KLHL29: variants seen among roughly 807,000 people sequenced by gnomAD.
KLHL29 encodes the protein kelch like family member 29, also known as kelch-like protein 29.
A neutral mutation model predicts 80.4 loss-of-function variants in KLHL29; 21 were observed. The ratio of observed to expected loss-of-function variants is 0.26; its 90% CI spans 0.19 to 0.38. The LOEUF (loss-of-function observed/expected upper bound fraction) is 0.38, where lower values mean the gene tolerates loss of function less well. Among genes scored for constraint, KLHL29 ranks in the 10% least tolerant of loss-of-function variants. KLHL29 has a pLI of 1.00. For missense variants in KLHL29, 867 were observed against 1,223.9 expected (o/e 0.71, Z 4.35); for synonymous variants, 511 against 526.8 (o/e 0.97, Z 0.41).
intron 2 of KLHL29, chr2:23,507,342 G>T: frequency 5.6e-6 from 1 of 179,130 alleles, no homozygotes. Flanking sequence ...GTTTGTGTGT[G>T]CTAGCCCACC....
At chr2:23,657,344 T>G (rs1040645683) in intron 5 of KLHL29, among the ~76,000 whole-genome samples, 1 of 152,344 alleles carries the variant, frequency 6.6e-6, no homozygotes, top group South Asian at 2.1e-4. Flanking sequence ...CTTTTATTCT[T>G]GCCTCTTTTC....
At chr2:23,674,646 T>G (rs955784646) in intron 5 of KLHL29, among the ~76,000 whole-genome samples, 1 of 152,154 alleles carries the variant, frequency 6.6e-6, no homozygotes. Flanking sequence ...TTCTTCCACA[T>G]GAAGACATGG....
intron 2 of KLHL29, among the ~76,000 whole-genome samples, chr2:23,512,835 T>C (rs1665813753): frequency 1.3e-5 from 2 of 152,240 alleles, no homozygotes; most frequent in Admixed American, 6.5e-5. Context: ...AAGGGTGTCT[T>C]TTCCAGGCCC....
intron 1 of KLHL29, among the ~76,000 whole-genome samples, chr2:23,469,382 T>G (rs1011859934): frequency 1.3e-5 from 2 of 152,200 alleles, no homozygotes; most frequent in African/African-American, 4.8e-5. Flanking sequence ...ATCAGGGATG[T>G]GGGCACCTGC....
chr2:23,651,118 G>GA (rs1019971843), intron 5 of KLHL29, among the ~76,000 whole-genome samples: 5 of 152,268 alleles, frequency 3.3e-5, no homozygotes, highest in Admixed American at 1.3e-4. Flanking sequence ...ATTGCTTGAA[G>GA]AAAAAATGGC....
At chr2:23,525,734 C>T (rs866648757) in intron 2 of KLHL29, among the ~76,000 whole-genome samples, 1 of 45,916 alleles carries the variant, frequency 2.2e-5, no homozygotes, top group Non-Finnish European at 6.0e-5. Flanking sequence ...CTGCCCCCCC[C>T]CCCCACCCGA....
intron 3 of KLHL29, among the ~76,000 whole-genome samples, chr2:23,589,717 A>G (rs1213999169): frequency 6.6e-6 from 1 of 152,222 alleles, no homozygotes; most frequent in African/African-American, 2.4e-5. Context: ...TGAGTTGAGC[A>G]AACAGTCCAA....
chr2:23,659,488 C>G (rs1242989315), intron 5 of KLHL29, among the ~76,000 whole-genome samples: 4 of 152,176 alleles, frequency 2.6e-5, no homozygotes, highest in Non-Finnish European at 5.9e-5. Flanking sequence ...TCCTCAACCT[C>G]ATCTTCACTT....
chr2:23,433,079 G>A (rs1273459184), intron 1 of KLHL29, among the ~76,000 whole-genome samples: 2 of 152,132 alleles, frequency 1.3e-5, no homozygotes, highest in Non-Finnish European at 2.9e-5. Context: ...ATAAAGGGAG[G>A]GGAGCACCTC....
At chr2:23,577,540 A>G in intron 3 of KLHL29, among the ~76,000 whole-genome samples, 1 of 152,036 alleles carries the variant, frequency 6.6e-6, no homozygotes, top group East Asian at 1.9e-4. Context: ...TGAGATCAGG[A>G]CTTCAAGACC....
intron 1 of KLHL29, among the ~76,000 whole-genome samples, chr2:23,434,320 C>CAA (rs34991893): frequency 0.021 from 1,119 of 54,276 alleles, 71 homozygotes; most frequent in East Asian, 0.041. Flanking sequence ...GACTCCGTCT[C>CAA]AAAAAAAAAA....
chr2:23,616,333 T>G (rs1305157675), intron 3 of KLHL29, among the ~76,000 whole-genome samples: 2 of 152,120 alleles, frequency 1.3e-5, no homozygotes, highest in Non-Finnish European at 2.9e-5. Context: ...GTAATGCTCA[T>G]TTTACCTAAA....
chr2:23,462,837 A>G (rs1326894813), intron 1 of KLHL29, among the ~76,000 whole-genome samples: 2 of 152,192 alleles, frequency 1.3e-5, no homozygotes, highest in Admixed American at 6.5e-5. Flanking sequence ...AAAAATTACA[A>G]ACTATATAAA....
At chr2:23,578,813 C>T (rs1231039913) in intron 3 of KLHL29, among the ~76,000 whole-genome samples, 1 of 152,232 alleles carries the variant, frequency 6.6e-6, no homozygotes, top group Admixed American at 6.5e-5. Context: ...TTCAGAGGAG[C>T]CCCGTGGCTG....
intron 2 of KLHL29, among the ~76,000 whole-genome samples, chr2:23,534,175 G>A (rs879079308): frequency 1.3e-5 from 2 of 152,070 alleles, no homozygotes; most frequent in Admixed American, 1.3e-4. Context: ...CAGGACAACC[G>A]GGGCTTCAGA....
intron 6 of KLHL29, chr2:23,690,250 G>C (rs1207807971): frequency 6.6e-6 from 1 of 152,260 alleles, no homozygotes; most frequent in Non-Finnish European, 1.5e-5. Context: ...TCCAGCCTCT[G>C]TCACAAAATC....
chr2:23,489,617 G>A (rs188819529), intron 2 of KLHL29, among the ~76,000 whole-genome samples: 2 of 152,074 alleles, frequency 1.3e-5, no homozygotes, highest in East Asian at 1.9e-4. Context: ...AACCAGCTTC[G>A]CATTAATGCA....
At chr2:23,664,917 A>G (rs1670512224) in intron 5 of KLHL29, among the ~76,000 whole-genome samples, 1 of 152,234 alleles carries the variant, frequency 6.6e-6, no homozygotes, top group South Asian at 2.1e-4. Flanking sequence ...GCCATAGGGA[A>G]TCTCCCAAAC....
Position 23,412,440 on chromosome 2 carries a change from GC to G in KLHL29, c.-154+26662del, listed in dbSNP as rs564196922. 1.5e-3 allele frequency among the ~76,000 whole-genome samples: 230 copies of G among 152,306 alleles called. 1 individual carries two copies. Among genetic ancestry groups the G allele is most frequent in the Middle Eastern group, 0.01 (3 of 294 alleles). ...GAGAAGGAAGAGGAGAGAATCATGA[GC>G]CATGCTGGATATGCAGGTGGGCTGC... On this transcript the variant is annotated intron_variant, in intron 1 of 13. Coordinates refer to ENST00000486442, the MANE Select transcript of KLHL29 (RefSeq NM_052920.2).
Sources: allele counts gnomAD v4.1 joint callset (sites outside exome capture counted in the v4.1 genomes callset), GRCh38; gene constraint gnomAD v4.1.1; transcripts MANE v1.5; gene names NCBI Gene and HGNC (gene_info 2026-07-23, HGNC 2026-07-21).